Variants in PCLO observed in about 807,000 individuals in gnomAD.
The protein encoded by PCLO is piccolo presynaptic cytomatrix protein.
PCLO carries 82 observed loss-of-function variants against 427.5 expected under a neutral mutation model. That is an observed-to-expected ratio of 0.19 (90% CI 0.16 to 0.23). PCLO has a LOEUF of 0.23. PCLO is among the 10% of genes least tolerant of loss of function. The probability of loss-of-function intolerance (pLI) is 1.00; values close to 1 mark genes in which losing one functional copy is unlikely to be tolerated. For missense variants in PCLO, 6,239 were observed against 6,115.9 expected (o/e 1.02, Z -0.67); for synonymous variants, 2,357 against 2,155.4 (o/e 1.09, Z -2.59).
At chr7:83,119,663 G>A (rs971393330) in intron 3 of PCLO, among the ~76,000 whole-genome samples, 8 of 151,464 alleles carry the variant, frequency 5.3e-5, no homozygotes, top group Non-Finnish European at 1.0e-4. Flanking sequence ...AAACATCCAG[G>A]AAAAAAATGA....
chr7:82,866,494 G>GA (rs1415915524), intron 10 of PCLO, among the ~76,000 whole-genome samples: 2 of 151,876 alleles, frequency 1.3e-5, no homozygotes, highest in African/African-American at 2.4e-5. Context: ...AAAAAACTTT[G>GA]AAAAAATGAA....
At chr7:83,154,502 G>C (rs990785342) in intron 2 of PCLO, among the ~76,000 whole-genome samples, 11 of 152,098 alleles carry the variant, frequency 7.2e-5, no homozygotes, top group African/African-American at 2.7e-4. Context: ...TAGATGCCCA[G>C]CATCTTTCAA....
At chr7:82,912,787 C>T (rs184731388) in intron 7 of PCLO, among the ~76,000 whole-genome samples, 81 of 152,060 alleles carry the variant, frequency 5.3e-4, no homozygotes, top group Non-Finnish European at 9.7e-4. Flanking sequence ...GTAAGTGCCA[C>T]GTATTGGGAT....
chr7:83,140,286 A>G (rs1406718410), intron 2 of PCLO, among the ~76,000 whole-genome samples: 1 of 152,164 alleles, frequency 6.6e-6, no homozygotes, highest in Non-Finnish European at 1.5e-5. Context: ...CAAACACTTC[A>G]CATTTTCACC....
intron 6 of PCLO, among the ~76,000 whole-genome samples, chr7:82,928,225 A>C (rs898570781): frequency 6.6e-6 from 1 of 152,174 alleles, no homozygotes; most frequent in African/African-American, 2.4e-5. Flanking sequence ...CTAGGCATTC[A>C]AGTGTTTGCT....
At chr7:82,794,079 G>A (rs547161375) in intron 22 of PCLO, among the ~76,000 whole-genome samples, 1 of 152,186 alleles carries the variant, frequency 6.6e-6, no homozygotes, top group East Asian at 1.9e-4. Context: ...TATTATTGCT[G>A]TTGAGATATC....
intron 3 of PCLO, among the ~76,000 whole-genome samples, chr7:83,028,805 G>T (rs193981): frequency 6.8e-6 from 1 of 146,662 alleles, no homozygotes; most frequent in African/African-American, 2.5e-5. Context: ...ATAACGCCGC[G>T]TATCTACAAC....
chr7:82,839,364 C>G (rs566453201), intron 14 of PCLO, among the ~76,000 whole-genome samples: 1 of 151,900 alleles, frequency 6.6e-6, no homozygotes, highest in Non-Finnish European at 1.5e-5. Context: ...TATTATGTTT[C>G]CTGTCAGAAA....
At chr7:83,032,941 G>T (rs1788708216) in intron 3 of PCLO, among the ~76,000 whole-genome samples, 1 of 152,100 alleles carries the variant, frequency 6.6e-6, no homozygotes, top group Non-Finnish European at 1.5e-5. Context: ...GAAGGGACCT[G>T]GGGAGAAGTG....
intron 3 of PCLO, among the ~76,000 whole-genome samples, chr7:83,013,178 C>G (rs1029649189): frequency 1.3e-5 from 2 of 151,818 alleles, no homozygotes; most frequent in African/African-American, 4.8e-5. Flanking sequence ...GTGAGATATT[C>G]TGTAATGATA....
At chr7:82,810,334 T>A (rs1442867134) in intron 20 of PCLO, among the ~76,000 whole-genome samples, 1 of 151,750 alleles carries the variant, frequency 6.6e-6, no homozygotes, top group East Asian at 1.9e-4. Flanking sequence ...GTATTACATA[T>A]GAAAAAAGTT....
intron 6 of PCLO, among the ~76,000 whole-genome samples, chr7:82,930,092 T>C (rs539833772): frequency 6.6e-6 from 1 of 152,102 alleles, no homozygotes; most frequent in East Asian, 1.9e-4. Context: ...GAGGAAGGAG[T>C]GTGAATCTCA....
intron 10 of PCLO, among the ~76,000 whole-genome samples, chr7:82,865,405 T>C (rs3953298): frequency 0.26 from 39,008 of 151,956 alleles, 5,364 homozygotes; most frequent in Middle Eastern, 0.3. Flanking sequence ...GGAGAATCAC[T>C]TGAACCAGGG....
intron 3 of PCLO, among the ~76,000 whole-genome samples, chr7:82,970,154 CA>C (rs1353167786): frequency 3.3e-5 from 5 of 151,942 alleles, no homozygotes; most frequent in African/African-American, 1.2e-4. Context: ...TAGATTTGAC[CA>C]AATCTAGGTA....
chr7:82,776,948 A>G (rs1240618718), intron 22 of PCLO, among the ~76,000 whole-genome samples: 1 of 151,874 alleles, frequency 6.6e-6, no homozygotes, highest in Non-Finnish European at 1.5e-5. Flanking sequence ...ACATACATAT[A>G]TATAAAACCT....
intron 3 of PCLO, among the ~76,000 whole-genome samples, chr7:82,972,779 A>G (rs546923069): frequency 5.9e-5 from 9 of 152,154 alleles, no homozygotes; most frequent in African/African-American, 2.2e-4. Flanking sequence ...CAAATTTTAC[A>G]CTGGTTTTCG....
chr7:83,019,742 T>C (rs1391543727), intron 3 of PCLO, among the ~76,000 whole-genome samples: 1 of 152,130 alleles, frequency 6.6e-6, no homozygotes, highest in Non-Finnish European at 1.5e-5. Context: ...TCTTTATCTC[T>C]ATGAAGCACT....
intron 22 of PCLO, among the ~76,000 whole-genome samples, chr7:82,794,397 T>C (rs1791170939): frequency 2.0e-5 from 3 of 150,816 alleles, no homozygotes; most frequent in Admixed American, 6.6e-5. Flanking sequence ...TTTGTTGTTA[T>C]TGCTAATTTC....
At position 82,954,235 on chromosome 7, in the gene PCLO, G is replaced by C; in HGVS notation, c.6718C>G (p.Pro2240Ala). ...TYFPGSIIDYPEEISVSLDRT... is the reference protein window; with the variant it reads ...TYFPGSIIDYAEEISVSLDRT... ...TCTAAAGATACACTTATTTCTTCTG[G>C]ATAGTCTATAATGCTGCCTGGAAAA... Residue 2240 changes from proline (P) to alanine (A), a missense_variant, in exon 5 of 25, where the codon CCA (proline) becomes GCA (alanine). This residue lies in a region of PCLO where 4,677 missense variants were observed against 4,468.4 expected (regional missense o/e 1.05). Coordinates refer to ENST00000333891, the MANE Select transcript of PCLO (RefSeq NM_033026.6). 6.2e-7 allele frequency: 1 copy of C among 1,613,646 alleles called. No homozygotes were observed.
Sources: gnomAD v4.1 joint callset for allele counts (sites outside exome capture counted in the v4.1 genomes callset) on GRCh38, gnomAD v4.1.1 for gene constraint, gnomAD v4.1.1 regional missense constraint, MANE v1.5 for transcripts, NCBI Gene and HGNC (gene_info 2026-07-23, HGNC 2026-07-21) for gene names.